The following VIT variants were observed in gnomAD, a reference collection of about 807,000 sequenced individuals.
VIT encodes the protein vitrin.
VIT carries 99 observed loss-of-function variants against 78.0 expected under a neutral mutation model. The observed-to-expected ratio is 1.27, with a 90% CI of 1.08 to 1.50. VIT has a LOEUF of 1.50. Among genes scored for constraint, VIT ranks in the 40% most tolerant of loss-of-function variants. VIT has a pLI of 0.00. For missense variants in VIT, 1,126 were observed against 875.3 expected (o/e 1.29, Z -3.61); for synonymous variants, 374 against 334.3 (o/e 1.12, Z -1.29).
chr2:36,795,310 C>T (rs1165418718), intron 12 of VIT, among the ~76,000 whole-genome samples: 1 of 151,864 alleles, frequency 6.6e-6, no homozygotes, highest in African/African-American at 2.4e-5. Flanking sequence ...TGCACATCTT[C>T]CCAGCTAAGG....
intron 2 of VIT, among the ~76,000 whole-genome samples, chr2:36,729,192 A>C (rs1220869644): frequency 6.6e-6 from 1 of 152,206 alleles, no homozygotes; most frequent in African/African-American, 2.4e-5. Context: ...GGTTTGTAGT[A>C]GACCATCTAG....
intron 7 of VIT, among the ~76,000 whole-genome samples, chr2:36,770,143 A>G (rs1205677433): frequency 6.6e-6 from 1 of 152,216 alleles, no homozygotes; most frequent in East Asian, 1.9e-4. Context: ...TCACTTATTC[A>G]TTCAACAAAC....
At chr2:36,800,845 T>C (rs1398105729) in intron 12 of VIT, among the ~76,000 whole-genome samples, 4 of 152,194 alleles carry the variant, frequency 2.6e-5, no homozygotes, top group Admixed American at 6.5e-5. Context: ...GGTACCACTA[T>C]TCACGTGCAA....
chr2:36,771,451 G>A (rs891705774), intron 7 of VIT, among the ~76,000 whole-genome samples: 2 of 151,532 alleles, frequency 1.3e-5, no homozygotes, highest in African/African-American at 2.4e-5. Context: ...GCTTGAACCC[G>A]GGCAGCAGGA....
intron 2 of VIT, among the ~76,000 whole-genome samples, chr2:36,724,008 C>G (rs1253237627): frequency 4.0e-5 from 6 of 150,968 alleles, no homozygotes; most frequent in African/African-American, 1.5e-4. Context: ...TTATTCAAAA[C>G]TGAAACACTG....
chr2:36,729,677 G>A (rs1315883124), intron 3 of VIT, among the ~76,000 whole-genome samples, 186 bp downstream of exon 3: 5 of 152,166 alleles, frequency 3.3e-5, no homozygotes, highest in African/African-American at 9.7e-5. Flanking sequence ...TGAGATAGGA[G>A]CCCTGACTTT....
At chr2:36,777,898 G>C (rs966678330) in intron 9 of VIT, among the ~76,000 whole-genome samples, 1 of 152,170 alleles carries the variant, frequency 6.6e-6, no homozygotes, top group South Asian at 2.1e-4. Flanking sequence ...ACCGAATCCT[G>C]CGATCCGCAC....
intron 1 of VIT, among the ~76,000 whole-genome samples, chr2:36,707,860 GAAAA>G (rs11362905): frequency 1.4e-5 from 2 of 141,232 alleles, no homozygotes; most frequent in African/African-American, 2.6e-5. Context: ...ATTTCTTTAG[GAAAA>G]AAAAAAAAAA....
intron 1 of VIT, among the ~76,000 whole-genome samples, chr2:36,697,184 A>C (rs57623850): frequency 7.0e-4 from 107 of 152,350 alleles, no homozygotes; most frequent in African/African-American, 2.4e-3. Flanking sequence ...AATAAACTGC[A>C]TTGATATTAA....
At chr2:36,750,056 T>C (rs1387382075) in intron 4 of VIT, among the ~76,000 whole-genome samples, 3 of 152,172 alleles carry the variant, frequency 2.0e-5, no homozygotes, top group African/African-American at 2.4e-5. Context: ...TTACAAAAGC[T>C]CTATTAAGGA....
At chr2:36,715,400 G>C (rs1301458133) in intron 1 of VIT, among the ~76,000 whole-genome samples, 2 of 152,070 alleles carry the variant, frequency 1.3e-5, no homozygotes. Context: ...AGCCAGGCAT[G>C]GTGGCACATG....
intron 12 of VIT, among the ~76,000 whole-genome samples, chr2:36,791,460 C>T (rs1170373905): frequency 2.6e-5 from 4 of 152,240 alleles, no homozygotes; most frequent in Admixed American, 6.5e-5. Context: ...TGTTTTACCT[C>T]ACACAGCAGA....
chr2:36,777,908 C>G (rs1670168802), intron 9 of VIT, among the ~76,000 whole-genome samples: 1 of 152,182 alleles, frequency 6.6e-6, no homozygotes, highest in Non-Finnish European at 1.5e-5. Flanking sequence ...GCGATCCGCA[C>G]TAAACACCTC....
intron 15 of VIT, among the ~76,000 whole-genome samples, chr2:36,811,503 G>T (rs1224554901): frequency 6.6e-6 from 1 of 152,124 alleles, no homozygotes. Context: ...TTCTTACTCA[G>T]CTTAACACTG....
chr2:36,749,811 C>T (rs1363068833), intron 4 of VIT, among the ~76,000 whole-genome samples: 1 of 152,074 alleles, frequency 6.6e-6, no homozygotes, highest in Admixed American at 6.5e-5. Flanking sequence ...CTTTTTTGCA[C>T]ATAAGTGGGT....
intron 1 of VIT, among the ~76,000 whole-genome samples, chr2:36,699,206 C>T (rs17437814): frequency 0.53 from 79,998 of 151,508 alleles, 22,061 homozygotes; most frequent in East Asian, 0.79. Flanking sequence ...CCATGGTGCA[C>T]TGGAGAGGTT....
At chr2:36,727,658 C>G (rs1666936068) in intron 2 of VIT, among the ~76,000 whole-genome samples, 1 of 152,238 alleles carries the variant, frequency 6.6e-6, no homozygotes, top group African/African-American at 2.4e-5. Flanking sequence ...TCTCTTTTCT[C>G]CAATCTTAAT....
chr2:36,771,430 C>G (rs570514701), intron 7 of VIT, among the ~76,000 whole-genome samples: 29 of 151,472 alleles, frequency 1.9e-4, no homozygotes, highest in Non-Finnish European at 1.8e-4. Flanking sequence ...GGAGGCTGAG[C>G]CAGGAGAATC....
chr2:36,757,386 C>A (rs576351821), intron 5 of VIT, among the ~76,000 whole-genome samples: 6 of 152,206 alleles, frequency 3.9e-5, no homozygotes, highest in African/African-American at 7.2e-5. Context: ...GAGGGACCCC[C>A]TAATACTTCC....
Sources: gnomAD v4.1 joint callset for allele counts (sites outside exome capture counted in the v4.1 genomes callset) on GRCh38, gnomAD v4.1.1 for gene constraint, MANE v1.5 for transcripts, NCBI Gene and HGNC (gene_info 2026-07-23, HGNC 2026-07-21) for gene names.